Variants in EYS observed in about 807,000 individuals in gnomAD.
The protein encoded by EYS is protein eyes shut homolog.
In EYS, 250 loss-of-function variants were observed where a neutral mutation model predicts 282.1. The ratio of observed to expected loss-of-function variants is 0.89; its 90% CI spans 0.80 to 0.98. The LOEUF is 0.98. EYS is among the 50% of genes least tolerant of loss of function. The pLI is 0.00. For synonymous variants in EYS, 1,355 were observed against 1,282.9 expected (o/e 1.06, Z -1.20); for missense variants, 4,016 against 3,709.0 (o/e 1.08, Z -2.15).
intron 12 of EYS, among the ~76,000 whole-genome samples, chr6:65,254,012 C>G (rs545136639): frequency 1.6e-4 from 25 of 151,792 alleles, no homozygotes; most frequent in Middle Eastern, 6.8e-3. Flanking sequence ...TGCTTTATAT[C>G]TATAAAGTCA....
At chr6:64,177,737 G>A (rs1764677996) in intron 31 of EYS, among the ~76,000 whole-genome samples, 1 of 151,700 alleles carries the variant, frequency 6.6e-6, no homozygotes, top group Non-Finnish European at 1.5e-5. Context: ...TCCATACTTT[G>A]TTTTTTTTCT....
intron 8 of EYS, among the ~76,000 whole-genome samples, chr6:65,371,692 C>CCTCT (rs1334078636): frequency 8.8e-6 from 1 of 113,220 alleles, no homozygotes; most frequent in Non-Finnish European, 1.8e-5. Flanking sequence ...CCTTCAAATT[C>CCTCT]CTCTCTCTCT....
At position 65,559,921 on chromosome 6, in the gene EYS, T is replaced by A. The variant is rs376380147; in HGVS notation, c.-332-63928A>T. On this transcript the variant is annotated intron_variant, in intron 2 of 42. Coordinates refer to ENST00000503581, the MANE Select transcript of EYS (RefSeq NM_001142800.2). ...AATTTTAAAAATTAGTTCAAAGATT[T>A]TTATTGCAGTCTTACTTAAAATACT... is the stretch of plus-strand genomic sequence containing the variant. 2.0e-4 allele frequency among the ~76,000 whole-genome samples: 31 copies of A among 151,598 alleles called. No homozygotes were observed. The East Asian group carries it at 4.3e-3, about 21-fold the overall frequency.
chr6:65,084,201 G>A (rs1368788509), intron 12 of EYS, among the ~76,000 whole-genome samples: 1 of 151,946 alleles, frequency 6.6e-6, no homozygotes, highest in Non-Finnish European at 1.5e-5. Context: ...CAGAGTCCTG[G>A]TTAACTTCTG....
chr6:65,495,194 CT>C lies in EYS; in HGVS notation c.216del (p.Ala73LeufsTer12), dbSNP rs1459031771. The C allele has an allele frequency of 1.2e-5, 19 of 1,614,148 alleles. No homozygotes were observed. Among genetic ancestry groups the C allele is most frequent in the Non-Finnish European group, 1.6e-5 (19 of 1,180,022 alleles). Reference sequence around the variant, plus strand: ...TGCAAAGGGCAAATCTGGGGAACAGCTTGATTGCCTGAAGTATCTATTTTAG... The same window carrying C: ...TGCAAAGGGCAAATCTGGGGAACAGCTGATTGCCTGAAGTATCTATTTTAG... ...VNTKIDTSGN[Q>X]AVPQICPLQI... is the part of the protein sequence containing the mutation. On this transcript the variant is annotated frameshift_variant, in exon 4 of 43. Coordinates refer to ENST00000503581, the MANE Select transcript of EYS (RefSeq NM_001142800.2). LOFTEE classifies it high-confidence loss of function.
intron 14 of EYS, among the ~76,000 whole-genome samples, chr6:64,968,090 C>A (rs1486051045): frequency 6.6e-6 from 1 of 152,094 alleles, no homozygotes; most frequent in East Asian, 1.9e-4. Flanking sequence ...CAAATTTGTA[C>A]CCTCTCTTCA....
At chr6:65,546,590 T>A (rs958661166) in intron 2 of EYS, among the ~76,000 whole-genome samples, 2 of 152,092 alleles carry the variant, frequency 1.3e-5, no homozygotes, top group African/African-American at 4.8e-5. Context: ...TTGTTTGTTT[T>A]TTGTTTTTTG....
chr6:65,326,265 A>G (rs1212588183), intron 11 of EYS, among the ~76,000 whole-genome samples: 1 of 151,850 alleles, frequency 6.6e-6, no homozygotes, highest in Non-Finnish European at 1.5e-5. Flanking sequence ...AGATATACAA[A>G]TATTCACTCT....
rs1348677546 is a variant in EYS at position 64,617,446 on chromosome 6, G to A, written c.3656C>T (p.Ser1219Leu). The change falls in exon 24 of 43, where the codon TCG (serine) becomes TTG (leucine). Residue 1219 changes from serine (S) to leucine (L), a missense_variant. Transcript: ENST00000503581. The stretch of plus-strand genomic sequence containing the variant: ...AAATCCAGGTGTGCATAAACATGTC[G>A]AGCCAGGTTCATTCTCCATGCAGAG... ...HELCMENEPG[S>L]TCLCTPGFMT... 6 of 1,550,018 alleles carry A rather than the reference G, an allele frequency of 3.9e-6. No individual in the cohort carries two copies. In the African/African-American group the frequency reaches 6.9e-5, roughly 18 times the overall value.
intron 15 of EYS, among the ~76,000 whole-genome samples, chr6:64,913,256 C>CT (rs1562255991): frequency 6.6e-6 from 1 of 151,834 alleles, no homozygotes. Flanking sequence ...AATATATTTT[C>CT]TTTTTTAAAA....
intron 13 of EYS, among the ~76,000 whole-genome samples, chr6:65,005,629 G>T (rs371925636): frequency 1.4e-5 from 2 of 147,744 alleles, no homozygotes; most frequent in African/African-American, 2.4e-5. Context: ...TAGCATGGCC[G>T]CTGGACTTAA....
At chr6:65,201,503 A>C (rs917858034) in intron 12 of EYS, among the ~76,000 whole-genome samples, 7 of 152,150 alleles carry the variant, frequency 4.6e-5, no homozygotes, top group Non-Finnish European at 1.0e-4. Flanking sequence ...AGGATGACTA[A>C]ATTGAAAAAT....
At chr6:65,698,522 T>TA (rs1220790859) in intron 1 of EYS, among the ~76,000 whole-genome samples, 4 of 152,140 alleles carry the variant, frequency 2.6e-5, no homozygotes, top group South Asian at 4.1e-4. Context: ...TTTAGGATGC[T>TA]AAAAAAATGA....
At chr6:64,554,176 G>A (rs1333208565) in intron 26 of EYS, among the ~76,000 whole-genome samples, 1 of 151,922 alleles carries the variant, frequency 6.6e-6, no homozygotes, top group Non-Finnish European at 1.5e-5. Context: ...CTTTCAAATG[G>A]CTATAGTCCC....
chr6:64,575,859 G>T (rs1765863868), intron 26 of EYS, among the ~76,000 whole-genome samples: 1 of 151,988 alleles, frequency 6.6e-6, no homozygotes. Flanking sequence ...CTGAAAATTT[G>T]GGGACAGGCT....
intron 14 of EYS, among the ~76,000 whole-genome samples, chr6:64,971,739 A>G (rs1215443508): frequency 6.6e-6 from 1 of 152,158 alleles, no homozygotes; most frequent in East Asian, 1.9e-4. Flanking sequence ...GATCATAAGA[A>G]TATTTAAGGT....
chr6:65,264,682 T>C (rs1228129103), intron 12 of EYS, among the ~76,000 whole-genome samples: 4 of 152,150 alleles, frequency 2.6e-5, no homozygotes, highest in Middle Eastern at 3.4e-3. Flanking sequence ...TTGTTTATTT[T>C]TCTCTTGTCT....
At chr6:65,114,052 T>A (rs1402429334) in intron 12 of EYS, among the ~76,000 whole-genome samples, 1 of 151,906 alleles carries the variant, frequency 6.6e-6, no homozygotes, top group Non-Finnish European at 1.5e-5. Context: ...CAAATAGGGA[T>A]AACAAAACGT....
Position 65,694,700 on chromosome 6 carries a change from T to C in EYS, c.-448+12435A>G, listed in dbSNP as rs1190929341. Reference sequence around the variant, plus strand: ...AAATTGATGCACTTGTGCAAAATGATGTTAACTAGCAACGAGGTAAACCAT... The same window carrying C: ...AAATTGATGCACTTGTGCAAAATGACGTTAACTAGCAACGAGGTAAACCAT... On this transcript the variant is annotated intron_variant, in intron 1 of 42. Coordinates refer to ENST00000503581, the MANE Select transcript of EYS (RefSeq NM_001142800.2). Among the ~76,000 whole-genome samples the C allele has an allele frequency of 1.3e-5, 2 of 148,518 alleles. 1 individual carries two copies. Among genetic ancestry groups the C allele is most frequent in the East Asian group, 4.7e-4 (2 of 4,238 alleles).
Sources: gnomAD v4.1 joint callset for allele counts (sites outside exome capture counted in the v4.1 genomes callset) on GRCh38, gnomAD v4.1.1 for gene constraint, MANE v1.5 for transcripts, NCBI Gene and HGNC (gene_info 2026-07-23, HGNC 2026-07-21) for gene names.